The following TMEM132D variants were observed in gnomAD, a reference collection of about 807,000 sequenced individuals.
TMEM132D encodes mature OL transmembrane protein.
TMEM132D carries 21 observed loss-of-function variants against 62.3 expected under a neutral mutation model. The observed-to-expected ratio is 0.34, with a 90% CI of 0.24 to 0.49. The LOEUF is 0.49. Ranked by LOEUF, TMEM132D falls within the 20% of genes least tolerant of loss-of-function variation. The pLI, the probability that TMEM132D is intolerant of heterozygous loss-of-function variation, is 0.99. For missense variants in TMEM132D, 1,346 were observed against 1,402.8 expected (o/e 0.96, Z 0.65); for synonymous variants, 621 against 575.6 (o/e 1.08, Z -1.13).
intron 3 of TMEM132D, among the ~76,000 whole-genome samples, chr12:129,418,260 G>T (rs1010696091): frequency 6.6e-6 from 1 of 152,098 alleles, no homozygotes; most frequent in Non-Finnish European, 1.5e-5. Context: ...ACACATACAC[G>T]TGTATGTTAA....
intron 4 of TMEM132D, among the ~76,000 whole-genome samples, chr12:129,320,395 C>T (rs561959461): frequency 6.6e-5 from 10 of 152,002 alleles, no homozygotes; most frequent in Non-Finnish European, 1.5e-4. Flanking sequence ...TTATTTAAAC[C>T]CAAGAAAGAG....
chr12:129,881,896 A>C (rs572210121), intron 1 of TMEM132D, among the ~76,000 whole-genome samples: 1 of 152,068 alleles, frequency 6.6e-6, no homozygotes. Context: ...TGACTGAGAA[A>C]AAAAGAGTAA....
At chr12:129,409,411 A>G (rs1029992460) in intron 3 of TMEM132D, among the ~76,000 whole-genome samples, 7 of 152,336 alleles carry the variant, frequency 4.6e-5, no homozygotes, top group Non-Finnish European at 8.8e-5. Flanking sequence ...CGCGCCTAGA[A>G]GAGGACAAGC....
chr12:129,252,997 A>T (rs2135591301), intron 4 of TMEM132D, among the ~76,000 whole-genome samples: 1 of 137,948 alleles, frequency 7.2e-6, no homozygotes, highest in South Asian at 2.4e-4. Context: ...AACAATGATA[A>T]CACATGGACA....
chr12:129,156,692 CCGAGA>C (rs1877257292), intron 5 of TMEM132D, among the ~76,000 whole-genome samples: 2 of 151,880 alleles, frequency 1.3e-5, no homozygotes, highest in South Asian at 4.2e-4. Flanking sequence ...AATAACACTC[CCGAGA>C]CAACTATCAC....
intron 5 of TMEM132D, among the ~76,000 whole-genome samples, chr12:129,151,329 C>T (rs576241011): frequency 1.3e-5 from 2 of 152,286 alleles, no homozygotes; most frequent in Admixed American, 1.3e-4. Context: ...AGCCAGGACT[C>T]CCTTCAACTG....
In TMEM132D at chr12:129,456,664, GCTCT is replaced by G. The variant is rs1030687313; in HGVS notation, c.1115+74391_1115+74394del. On this transcript the variant is annotated intron_variant, in intron 3 of 8. Transcript: ENST00000422113. ...ATAGGTAACCATGTCTTCTTCATCT[GCTCT>G]CTTTTACCCATAAACGGCAGATGGA... Among the ~76,000 whole-genome samples the G allele has an allele frequency of 3.2e-4, 49 of 152,172 alleles. 1 individual carries two copies. Among genetic ancestry groups the G allele is most frequent in the African/African-American group, 1.1e-3 (47 of 41,436 alleles).
At chr12:129,320,935 G>A (rs1011366547) in intron 4 of TMEM132D, among the ~76,000 whole-genome samples, 2 of 149,338 alleles carry the variant, frequency 1.3e-5, no homozygotes, top group South Asian at 2.1e-4. Context: ...AAATGAAAGC[G>A]AGCCACCCAC....
At chr12:129,235,700 TC>T (rs1879760877) in intron 4 of TMEM132D, among the ~76,000 whole-genome samples, 1 of 152,200 alleles carries the variant, frequency 6.6e-6, no homozygotes, top group South Asian at 2.1e-4. Context: ...TGTCTTCATT[TC>T]TTTTTGAAGG....
intron 5 of TMEM132D, among the ~76,000 whole-genome samples, chr12:129,165,217 T>C (rs538972712): frequency 2.0e-5 from 3 of 152,152 alleles, no homozygotes; most frequent in Non-Finnish European, 4.4e-5. Context: ...GAGGGTAGGA[T>C]GGGCTTGGAA....
intron 1 of TMEM132D, among the ~76,000 whole-genome samples, chr12:129,898,898 T>C (rs1460804250): frequency 2.0e-5 from 3 of 152,200 alleles, no homozygotes; most frequent in Non-Finnish European, 2.9e-5. Flanking sequence ...AGGGGAATGA[T>C]GAATACGAAA....
chr12:129,832,587 T>A (rs1217367564), intron 1 of TMEM132D, among the ~76,000 whole-genome samples: 2 of 152,214 alleles, frequency 1.3e-5, no homozygotes, highest in South Asian at 4.1e-4. Context: ...TATCTGAGTA[T>A]TTTTGTGGCT....
chr12:129,509,727 T>C (rs1366123272), intron 3 of TMEM132D, among the ~76,000 whole-genome samples: 1 of 152,190 alleles, frequency 6.6e-6, no homozygotes, highest in African/African-American at 2.4e-5. Context: ...GCAATGTTTG[T>C]CTTTCTGTGC....
At chr12:129,700,843 T>A in intron 1 of TMEM132D, 145 bp from the exon 2 acceptor site, 1 of 891,152 alleles carries the variant, frequency 1.1e-6, no homozygotes. Flanking sequence ...CTTAATCCAA[T>A]CTACTCGCTT....
chr12:129,747,845 CACACAGACACACACACACACG>C (rs1387315276), intron 1 of TMEM132D, among the ~76,000 whole-genome samples: 3 of 83,996 alleles, frequency 3.6e-5, no homozygotes, highest in Non-Finnish European at 5.5e-5. Flanking sequence ...CATTCAGACA[CACACAGACACACACACACACG>C]ACACACACAC....
At position 129,186,842 on chromosome 12, in the gene TMEM132D, G is replaced by C. The variant is rs531583149; in HGVS notation, c.1443+22678C>G. ...TGAAAGTGACAATTCCATTTTTTCA[G>C]AACTGATTTTGTCTAATGCTAACAT... On this transcript the variant is annotated intron_variant, in intron 5 of 8. Coordinates refer to ENST00000422113, the MANE Select transcript of TMEM132D (RefSeq NM_133448.3). 1.8e-4 allele frequency among the ~76,000 whole-genome samples: 27 copies of C among 152,258 alleles called. No individual in the cohort carries two copies. In the South Asian group the frequency reaches 5.4e-3, roughly 30 times the overall value.
chr12:129,734,448 C>A (rs974522945), intron 1 of TMEM132D, among the ~76,000 whole-genome samples: 3 of 152,100 alleles, frequency 2.0e-5, no homozygotes, highest in Non-Finnish European at 4.4e-5. Flanking sequence ...ACTTCTATAG[C>A]AATTATTCTT....
chr12:129,635,890 A>G (rs1264869087), intron 2 of TMEM132D, among the ~76,000 whole-genome samples: 4 of 152,212 alleles, frequency 2.6e-5, no homozygotes, highest in Non-Finnish European at 1.5e-5. Flanking sequence ...CGATACATGT[A>G]GGGTATACAT....
rs1223998563 is a variant in TMEM132D at position 129,649,628 on chromosome 12, G to C, written c.968+50182C>G. ...GCAAAATATTTTAAACATACAATAG[G>C]GTATAGAAATATATTCATATATATG... On this transcript the variant is annotated intron_variant, in intron 2 of 8. Coordinates refer to ENST00000422113, the MANE Select transcript of TMEM132D (RefSeq NM_133448.3). Among the ~76,000 whole-genome samples the C allele has an allele frequency of 2.0e-5, 3 of 150,772 alleles. No homozygotes were observed. The Admixed American group carries it at 2.0e-4, about 10-fold the overall frequency.
Sources: gnomAD v4.1 joint callset for allele counts (sites outside exome capture counted in the v4.1 genomes callset) on GRCh38, gnomAD v4.1.1 for gene constraint, MANE v1.5 for transcripts, NCBI Gene and HGNC (gene_info 2026-07-23, HGNC 2026-07-21) for gene names.